XKR4: variants seen among roughly 807,000 people sequenced by gnomAD.
XKR4 encodes the protein XK-related protein 4.
XKR4 carries 12 observed loss-of-function variants against 53.9 expected under a neutral mutation model. That is an observed-to-expected ratio of 0.22 (90% CI 0.14 to 0.36). XKR4 has a LOEUF of 0.36. XKR4 is among the 10% of genes least tolerant of loss of function. The pLI is 1.00. For synonymous variants in XKR4, 354 were observed against 362.4 expected, an observed-to-expected ratio of 0.98 and a Z score of 0.26; for missense variants, 799 against 859.5, an observed-to-expected ratio of 0.93 and a Z score of 0.88.
chr8:55,377,696 G>A (rs1266566466), intron 2 of XKR4, among the ~76,000 whole-genome samples: 2 of 152,190 alleles, frequency 1.3e-5, no homozygotes, highest in Non-Finnish European at 2.9e-5. Context: ...AGAACACCGT[G>A]AGTTGGTTTT....
intron 1 of XKR4, among the ~76,000 whole-genome samples, chr8:55,168,043 G>C (rs1817094597): frequency 6.6e-6 from 1 of 152,120 alleles, no homozygotes; most frequent in Non-Finnish European, 1.5e-5. Flanking sequence ...TTTTATGGTA[G>C]AATAAAATAC....
chr8:55,235,259 C>T (rs62517036), intron 1 of XKR4, among the ~76,000 whole-genome samples: 38,333 of 152,056 alleles, frequency 0.25, 5,326 homozygotes, highest in East Asian at 0.49. Context: ...TAGGGCCCAC[C>T]CTGATCCAGC....
At chr8:55,228,356 A>G (rs1383810829) in intron 1 of XKR4, among the ~76,000 whole-genome samples, 1 of 152,232 alleles carries the variant, frequency 6.6e-6, no homozygotes, top group Non-Finnish European at 1.5e-5. Flanking sequence ...TATCAAAAAG[A>G]ACCACTTAAT....
At chr8:55,480,216 C>A (rs1806077710) in intron 2 of XKR4, among the ~76,000 whole-genome samples, 1 of 152,192 alleles carries the variant, frequency 6.6e-6, no homozygotes, top group Admixed American at 6.5e-5. Context: ...ATCAAGTGGG[C>A]TTCATCCCTG....
intron 1 of XKR4, among the ~76,000 whole-genome samples, chr8:55,346,685 ATGTGTGTGTG>A (rs10685965): frequency 0.03 from 4,107 of 138,464 alleles, 159 homozygotes; most frequent in African/African-American, 0.093. Context: ...TGTTGAGGTT[ATGTGTGTGTG>A]TGTGTGTGTG....
chr8:55,187,468 T>C (rs557634872), intron 1 of XKR4, among the ~76,000 whole-genome samples: 23 of 152,212 alleles, frequency 1.5e-4, no homozygotes, highest in Non-Finnish European at 2.6e-4. Flanking sequence ...CATGATGTCG[T>C]AATTAGGAAG....
At chr8:55,254,957 G>A (rs113817300) in intron 1 of XKR4, among the ~76,000 whole-genome samples, 3 of 152,282 alleles carry the variant, frequency 2.0e-5, no homozygotes, top group African/African-American at 7.2e-5. Context: ...TGTCATGCAC[G>A]ACAACCAAGC....
Position 55,533,984 on chromosome 8 carries a change from A to G in XKR4, c.*9757A>G, listed in dbSNP as rs948348035. On this transcript the variant is annotated 3_prime_UTR_variant, in exon 3 of 3. Transcript: ENST00000327381. Reference sequence around the variant, plus strand: ...AAGAAAAATATTCCCGGGGGCTTGCATAGCTCAGAGAACGGAGTACTGGGT... The same window carrying G: ...AAGAAAAATATTCCCGGGGGCTTGCGTAGCTCAGAGAACGGAGTACTGGGT... The G allele has an allele frequency of 6.6e-6, 1 of 152,172 alleles. No individual in the cohort carries two copies. Among genetic ancestry groups the G allele is most frequent in the Non-Finnish European group, 1.5e-5 (1 of 68,026 alleles). The allele number at this position is 152,172 out of a possible 1,614,324, so 9.4% of individuals were successfully genotyped here.
At chr8:55,121,543 TA>T (rs143659759) in intron 1 of XKR4, among the ~76,000 whole-genome samples, 5,975 of 152,206 alleles carry the variant, frequency 0.039, 212 homozygotes, top group African/African-American at 0.092. Flanking sequence ...GAGAAATGGA[TA>T]AAATAATAAA....
rs749442385 is a variant in XKR4, at chr8:55,527,118, T to A, written c.*2891T>A. The A allele has an allele frequency of 1.3e-5, 2 of 152,210 alleles. No homozygotes were observed. Among genetic ancestry groups the A allele is most frequent in the Non-Finnish European group, 2.9e-5 (2 of 68,022 alleles). The allele number at this position is 152,210 out of a possible 1,614,324, so 9.4% of individuals were successfully genotyped here. Reference sequence around the variant, plus strand: ...CACTGCCATCAGACTGTTGTGGTAATAACAACTTTTACTTGTTTTCTAGAT... The same window carrying A: ...CACTGCCATCAGACTGTTGTGGTAAAAACAACTTTTACTTGTTTTCTAGAT... On this transcript the variant is annotated 3_prime_UTR_variant, in exon 3 of 3. Coordinates refer to ENST00000327381, the MANE Select transcript of XKR4 (RefSeq NM_052898.2).
intron 2 of XKR4, among the ~76,000 whole-genome samples, chr8:55,466,422 G>A (rs1805770379): frequency 6.6e-6 from 1 of 152,032 alleles, no homozygotes. Context: ...ACTCATAGGT[G>A]GGAATTGAAC....
chr8:55,514,942 A>G (rs1806688187), intron 2 of XKR4, among the ~76,000 whole-genome samples: 2 of 152,194 alleles, frequency 1.3e-5, no homozygotes, highest in African/African-American at 4.8e-5. Flanking sequence ...TGTCTTCTTG[A>G]GAAATTTTAA....
chr8:55,301,906 G>A (rs960665600), intron 1 of XKR4, among the ~76,000 whole-genome samples: 1 of 152,156 alleles, frequency 6.6e-6, no homozygotes, highest in Non-Finnish European at 1.5e-5. Context: ...CCCTTTGTCA[G>A]ATAAGCAGTT....
chr8:55,392,518 T>C (rs555954322), intron 2 of XKR4, among the ~76,000 whole-genome samples: 13 of 152,318 alleles, frequency 8.5e-5, no homozygotes, highest in Admixed American at 8.5e-4. Flanking sequence ...AGGCCGAGCA[T>C]GGTGGTTCAC....
chr8:55,130,146 C>T (rs1474934103), intron 1 of XKR4, among the ~76,000 whole-genome samples: 2 of 152,050 alleles, frequency 1.3e-5, no homozygotes, highest in African/African-American at 2.4e-5. Context: ...CTATTATTGG[C>T]ATCAAAGATA....
At chr8:55,218,905 C>T (rs1817839638) in intron 1 of XKR4, among the ~76,000 whole-genome samples, 1 of 152,074 alleles carries the variant, frequency 6.6e-6, no homozygotes, top group Non-Finnish European at 1.5e-5. Context: ...ATCTGAGACG[C>T]ACACAAGAGC....
chr8:55,491,069 G>T (rs1422642317), intron 2 of XKR4, among the ~76,000 whole-genome samples: 1 of 151,808 alleles, frequency 6.6e-6, no homozygotes, highest in South Asian at 2.1e-4. Context: ...CTATTCCTAT[G>T]TATTCAAGCT....
intron 1 of XKR4, among the ~76,000 whole-genome samples, chr8:55,109,221 G>A (rs75829306): frequency 2.6e-5 from 4 of 152,122 alleles, no homozygotes; most frequent in Non-Finnish European, 1.5e-5. Context: ...GGAAAATTAG[G>A]TAGAGATGTG....
intron 1 of XKR4, among the ~76,000 whole-genome samples, chr8:55,211,689 A>G (rs1817734219): frequency 6.6e-6 from 1 of 152,166 alleles, no homozygotes; most frequent in Non-Finnish European, 1.5e-5. Context: ...GTTACGTTTA[A>G]AGTATATCCT....
Sources: allele counts gnomAD v4.1 joint callset (sites outside exome capture counted in the v4.1 genomes callset), GRCh38; gene constraint gnomAD v4.1.1; transcripts MANE v1.5; gene names NCBI Gene and HGNC (gene_info 2026-07-23, HGNC 2026-07-21).